Variants in PPM1H observed in about 807,000 individuals in gnomAD.
PPM1H encodes protein phosphatase, Mg2+/Mn2+ dependent 1H, also known as protein phosphatase 1H.
In PPM1H, 27 loss-of-function variants were observed where a neutral mutation model predicts 54.9. That is an observed-to-expected ratio of 0.49 (90% CI 0.36 to 0.68). The LOEUF (loss-of-function observed/expected upper bound fraction) is 0.68, where lower values mean the gene tolerates loss of function less well. Among genes scored for constraint, PPM1H ranks in the 30% least tolerant of loss-of-function variants. The pLI is 0.00. For synonymous variants in PPM1H, 305 were observed against 270.8 expected, an observed-to-expected ratio of 1.13 and a Z score of -1.24; for missense variants, 596 against 667.8, an observed-to-expected ratio of 0.89 and a Z score of 1.19.
At chr12:62,903,578 T>C (rs1871223044) in intron 1 of PPM1H, among the ~76,000 whole-genome samples, 1 of 152,198 alleles carries the variant, frequency 6.6e-6, no homozygotes, top group South Asian at 2.1e-4. Context: ...TCTGTGATTT[T>C]AGATACACTC....
intron 4 of PPM1H, among the ~76,000 whole-genome samples, chr12:62,781,582 T>TAAACAC (rs2076642884): frequency 2.6e-5 from 4 of 152,242 alleles, no homozygotes; most frequent in Non-Finnish European, 1.5e-5. Flanking sequence ...GAGTCACCTG[T>TAAACAC]AGGACTTGCT....
chr12:62,767,295 T>C (rs1432979283), intron 4 of PPM1H, among the ~76,000 whole-genome samples: 1 of 151,994 alleles, frequency 6.6e-6, no homozygotes, highest in Non-Finnish European at 1.5e-5. Context: ...GCAGCCTGCA[T>C]TTCAGTGGCA....
intron 9 of PPM1H, among the ~76,000 whole-genome samples, chr12:62,655,922 A>G (rs555504645): frequency 3.3e-5 from 5 of 152,364 alleles, no homozygotes; most frequent in Non-Finnish European, 7.3e-5. Flanking sequence ...GCTGAAAGCA[A>G]TGGCTGCTGG....
In PPM1H at chr12:62,676,716, C is replaced by T. The variant is rs561649988; in HGVS notation, c.1246-9387G>A. ...GCCACCTCTGGACTTTGGTCGCCAC[C>T]GAGCATGGGAGGGAGGCCGAGGGGA... On this transcript the variant is annotated intron_variant, in intron 8 of 9. Coordinates refer to ENST00000228705, the MANE Select transcript of PPM1H (RefSeq NM_020700.2). Among the ~76,000 whole-genome samples, 14 of 152,232 alleles carry T rather than the reference C, an allele frequency of 9.2e-5. No homozygotes were observed. The East Asian group carries it at 1.7e-3, about 19-fold the overall frequency.
At position 62,869,135 on chromosome 12, in the gene PPM1H, A is replaced by G. The variant is rs571227467; in HGVS notation, c.246-36856T>C. 4.3e-4 allele frequency among the ~76,000 whole-genome samples: 65 copies of G among 152,314 alleles called. No homozygotes were observed. The South Asian group carries it at 0.013, about 31-fold the overall frequency. On this transcript the variant is annotated intron_variant, in intron 1 of 9. Transcript: ENST00000228705. Reference sequence around the variant, plus strand: ...ATCAATACCCTATATGTGGCTTTAGATATTAAGAACAAGGGTATAAAGGTA... The same window carrying G: ...ATCAATACCCTATATGTGGCTTTAGGTATTAAGAACAAGGGTATAAAGGTA...
At chr12:62,857,567 G>C (rs567517060) in intron 1 of PPM1H, among the ~76,000 whole-genome samples, 30 of 152,240 alleles carry the variant, frequency 2.0e-4, no homozygotes, top group African/African-American at 7.2e-4. Flanking sequence ...AGTCCAAATT[G>C]AAAGTTCTCT....
At chr12:62,833,388 G>A (rs1247578181) in intron 1 of PPM1H, among the ~76,000 whole-genome samples, 1 of 152,012 alleles carries the variant, frequency 6.6e-6, no homozygotes, top group African/African-American at 2.4e-5. Flanking sequence ...ATAATTATAG[G>A]CTCAGAGTAA....
intron 1 of PPM1H, among the ~76,000 whole-genome samples, chr12:62,848,315 T>C (rs764766561): frequency 2.0e-5 from 3 of 152,190 alleles, no homozygotes; most frequent in Non-Finnish European, 4.4e-5. Context: ...ACTGATAAAC[T>C]TGATATATGA....
intron 3 of PPM1H, among the ~76,000 whole-genome samples, chr12:62,791,206 C>T (rs906229552): frequency 6.6e-6 from 1 of 152,122 alleles, no homozygotes; most frequent in Non-Finnish European, 1.5e-5. Flanking sequence ...GAAACCCATG[C>T]TTCAATTAAA....
chr12:62,723,081 G>A (rs532478065), intron 5 of PPM1H, among the ~76,000 whole-genome samples: 1 of 152,150 alleles, frequency 6.6e-6, no homozygotes, highest in African/African-American at 2.4e-5. Context: ...TTAGCCTACA[G>A]TTGGGCAAAA....
chr12:62,749,992 G>A (rs1330757892), intron 4 of PPM1H, among the ~76,000 whole-genome samples: 2 of 151,632 alleles, frequency 1.3e-5, no homozygotes, highest in East Asian at 1.9e-4. Context: ...AACCCAGTGC[G>A]CCAGCGCAAA....
rs558429269 is a variant in PPM1H at position 62,912,547 on chromosome 12, C to A, written c.245+21945G>T. On this transcript the variant is annotated intron_variant, in intron 1 of 9. Transcript: ENST00000228705. ...GAGCAGCATCTTAATGGCCATCACA[C>A]GAGATTTGGCAGAAATGTACAGAAT... Among the ~76,000 whole-genome samples the A allele has an allele frequency of 1.4e-4, 21 of 152,160 alleles. No homozygotes were observed. In the South Asian group the frequency reaches 3.9e-3, roughly 29 times the overall value.
intron 1 of PPM1H, among the ~76,000 whole-genome samples, chr12:62,862,742 A>G (rs1184951220): frequency 6.6e-6 from 1 of 152,206 alleles, no homozygotes; most frequent in African/African-American, 2.4e-5. Flanking sequence ...AATCAACTTT[A>G]AAAAATGTGC....
chr12:62,766,394 T>C (rs1592588204), intron 4 of PPM1H, among the ~76,000 whole-genome samples: 2 of 151,824 alleles, frequency 1.3e-5, no homozygotes, highest in East Asian at 3.9e-4. Context: ...AAAATAAAAC[T>C]AGAAAGATCA....
intron 1 of PPM1H, among the ~76,000 whole-genome samples, chr12:62,838,154 T>C (rs12317932): frequency 0.11 from 17,148 of 152,224 alleles, 1,833 homozygotes; most frequent in African/African-American, 0.28. Context: ...GTTGTCTTGC[T>C]TTGTTTTCAA....
chr12:62,808,237 T>C (rs2076816532), intron 2 of PPM1H, among the ~76,000 whole-genome samples: 1 of 152,188 alleles, frequency 6.6e-6, no homozygotes, highest in Non-Finnish European at 1.5e-5. Flanking sequence ...AGAGGTGTGG[T>C]AATTATCTGC....
chr12:62,781,400 C>T (rs2076641342), intron 4 of PPM1H, among the ~76,000 whole-genome samples: 1 of 152,222 alleles, frequency 6.6e-6, no homozygotes. Flanking sequence ...GCTTGCCCTG[C>T]GTGTGGTGTC....
intron 4 of PPM1H, among the ~76,000 whole-genome samples, chr12:62,747,242 T>G (rs918061973): frequency 1.3e-5 from 2 of 152,126 alleles, no homozygotes; most frequent in Non-Finnish European, 2.9e-5. Context: ...GTTCAAGTGA[T>G]TCTCCTGCCT....
rs561678264 is a variant in PPM1H at position 62,649,458 on chromosome 12, G to A, written c.1398-822C>T. On this transcript the variant is annotated intron_variant, in intron 9 of 9. Coordinates refer to ENST00000228705, the MANE Select transcript of PPM1H (RefSeq NM_020700.2). ...TTGGGAAGTGATTTGGGTGGGTATG[G>A]GCCTGGGTTAGCCCTGAGGCATAAA... Among the ~76,000 whole-genome samples, 4 of 152,206 alleles carry A rather than the reference G, an allele frequency of 2.6e-5. No individual in the cohort carries two copies. In the South Asian group the frequency reaches 6.2e-4, roughly 24 times the overall value.
Sources: gnomAD v4.1 joint callset for allele counts (sites outside exome capture counted in the v4.1 genomes callset) on GRCh38, gnomAD v4.1.1 for gene constraint, MANE v1.5 for transcripts, NCBI Gene and HGNC (gene_info 2026-07-23, HGNC 2026-07-21) for gene names.